Variants in MCTP1 observed in about 807,000 individuals in gnomAD.
MCTP1 encodes multiple C2 and transmembrane domain-containing protein 1.
In MCTP1, 69 loss-of-function variants were observed where a neutral mutation model predicts 120.6. That is an observed-to-expected ratio of 0.57 (90% CI 0.47 to 0.70). The LOEUF (loss-of-function observed/expected upper bound fraction) is 0.70. Ranked by LOEUF, MCTP1 falls within the 30% of genes least tolerant of loss-of-function variation. MCTP1 has a pLI of 0.00. For missense variants in MCTP1, 1,203 were observed against 1,248.8 expected (o/e 0.96, Z 0.55); for synonymous variants, 529 against 493.1 (o/e 1.07, Z -0.96).
intron 17 of MCTP1, among the ~76,000 whole-genome samples, chr5:94,807,074 A>G (rs1460007581): frequency 2.0e-5 from 3 of 152,190 alleles, no homozygotes; most frequent in Non-Finnish European, 4.4e-5. Context: ...GTTTTCCTGT[A>G]TAGTTCATCA....
chr5:95,130,850 A>G (rs1188012009), intron 1 of MCTP1, among the ~76,000 whole-genome samples: 1 of 152,192 alleles, frequency 6.6e-6, no homozygotes. Flanking sequence ...GGACTTCAAC[A>G]TATGAATTTT....
intron 18 of MCTP1, among the ~76,000 whole-genome samples, chr5:94,796,657 AT>A (rs1174076500): frequency 6.9e-5 from 10 of 144,060 alleles, no homozygotes; most frequent in Admixed American, 4.9e-4. Context: ...TATTATATAT[AT>A]TATATATATA....
At chr5:94,868,588 T>C in intron 16 of MCTP1, 136 bp from the exon 17 acceptor site, 1 of 540,272 alleles carries the variant, frequency 1.9e-6, no homozygotes. Flanking sequence ...ACCAAACAAT[T>C]TGGCTCACAA....
At chr5:95,040,503 C>T (rs1458147707) in intron 1 of MCTP1, among the ~76,000 whole-genome samples, 1 of 151,748 alleles carries the variant, frequency 6.6e-6, no homozygotes, top group Non-Finnish European at 1.5e-5. Context: ...GCTCCCTGAG[C>T]CCATCCAAGG....
intron 11 of MCTP1, among the ~76,000 whole-genome samples, chr5:94,893,131 A>T (rs1397373297): frequency 6.6e-6 from 1 of 152,234 alleles, no homozygotes; most frequent in Non-Finnish European, 1.5e-5. Flanking sequence ...TTATTGAAAA[A>T]AGACATGGAA....
chr5:94,960,583 A>C (rs1376209426), intron 2 of MCTP1, among the ~76,000 whole-genome samples: 1 of 152,204 alleles, frequency 6.6e-6, no homozygotes, highest in African/African-American at 2.4e-5. Flanking sequence ...AGAAAAAAAC[A>C]ACCCCATCAA....
intron 1 of MCTP1, among the ~76,000 whole-genome samples, chr5:95,202,833 T>G (rs1363542195): frequency 6.6e-6 from 1 of 152,150 alleles, no homozygotes; most frequent in Non-Finnish European, 1.5e-5. Flanking sequence ...GCTCAAGAGA[T>G]TCTCCTGCCT....
chr5:94,997,054 A>G (rs912637953), intron 2 of MCTP1, among the ~76,000 whole-genome samples: 10 of 152,158 alleles, frequency 6.6e-5, no homozygotes, highest in African/African-American at 2.4e-4. Flanking sequence ...CTCGATCACC[A>G]CAGAGCAGTT....
chr5:94,806,020 A>C (rs1026404516), intron 17 of MCTP1, among the ~76,000 whole-genome samples: 4 of 151,814 alleles, frequency 2.6e-5, no homozygotes, highest in Non-Finnish European at 4.4e-5. Context: ...AAAGAAATGG[A>C]ATGCCACTTC....
chr5:94,879,078 C>A (rs1264126644), intron 12 of MCTP1, among the ~76,000 whole-genome samples: 2 of 151,910 alleles, frequency 1.3e-5, no homozygotes, highest in Non-Finnish European at 2.9e-5. Context: ...GTGCTTGAGG[C>A]CTCTGATACT....
chr5:95,132,568 T>C (rs1029530311), intron 1 of MCTP1, among the ~76,000 whole-genome samples: 2 of 152,164 alleles, frequency 1.3e-5, no homozygotes, highest in Non-Finnish European at 2.9e-5. Context: ...TCAGGCGCAG[T>C]TGCCTTCTTA....
intron 2 of MCTP1, among the ~76,000 whole-genome samples, chr5:94,954,148 A>ATGTATATATATGCATATATATACATG (rs1554151250): frequency 1.7e-4 from 1 of 5,962 alleles, no homozygotes; most frequent in Non-Finnish European, 3.2e-4. Context: ...ATATATATAC[A>ATGTATATATATGCATATATATACATG]TATATATATG....
intron 6 of MCTP1, among the ~76,000 whole-genome samples, chr5:94,928,990 T>G (rs1050119551): frequency 1.3e-5 from 2 of 152,146 alleles, no homozygotes; most frequent in African/African-American, 2.4e-5. Flanking sequence ...GAGCCTATTA[T>G]TAGCAGAAGT....
At chr5:94,918,520 C>T (rs151039367) in intron 7 of MCTP1, among the ~76,000 whole-genome samples, 16 of 152,120 alleles carry the variant, frequency 1.1e-4, no homozygotes, top group South Asian at 1.0e-3. Flanking sequence ...GCCTTTGCTA[C>T]GAAAAAGTAA....
At chr5:95,009,056 AAG>A (rs201724037) in intron 2 of MCTP1, among the ~76,000 whole-genome samples, 1,893 of 129,202 alleles carry the variant, frequency 0.015, 17 homozygotes, top group African/African-American at 0.036. Flanking sequence ...GAGAGGGAGA[AAG>A]AGAGAGAGAG....
At chr5:94,821,963 G>A (rs955178577) in intron 17 of MCTP1, among the ~76,000 whole-genome samples, 1 of 152,158 alleles carries the variant, frequency 6.6e-6, no homozygotes, top group Non-Finnish European at 1.5e-5. Flanking sequence ...TTTTACAGAT[G>A]AGTAGCATGT....
intron 1 of MCTP1, among the ~76,000 whole-genome samples, chr5:95,203,856 A>C (rs747025279): frequency 2.6e-5 from 4 of 152,240 alleles, no homozygotes; most frequent in Non-Finnish European, 4.4e-5. Context: ...ACTGGATCAG[A>C]TAACTCACAT....
chr5:94,932,580 C>T (rs1002540084), intron 5 of MCTP1, among the ~76,000 whole-genome samples: 2 of 151,922 alleles, frequency 1.3e-5, no homozygotes, highest in African/African-American at 4.8e-5. Context: ...ATATGTATGG[C>T]CAAAAGTTTT....
intron 13 of MCTP1, among the ~76,000 whole-genome samples, 160 bp downstream of exon 13, chr5:94,872,979 G>A (rs1798101428): frequency 6.6e-6 from 1 of 152,028 alleles, no homozygotes; most frequent in African/African-American, 2.4e-5. Context: ...TCACTTTCAG[G>A]AAGGTAGGAG....
Sources: allele counts gnomAD v4.1 joint callset (sites outside exome capture counted in the v4.1 genomes callset), GRCh38; gene constraint gnomAD v4.1.1; transcripts MANE v1.5; gene names NCBI Gene and HGNC (gene_info 2026-07-23, HGNC 2026-07-21).